SCG5: variants seen among roughly 807,000 people sequenced by gnomAD.
SCG5 encodes the protein secretogranin V, also known as neuroendocrine protein 7B2.
Under a neutral mutation model 25.7 loss-of-function variants are expected in SCG5, and 18 were observed. The observed-to-expected ratio is 0.70, with a 90% CI of 0.48 to 1.04. The LOEUF is 1.04. Among genes scored for constraint, SCG5 ranks in the 50% least tolerant of loss-of-function variants. SCG5 has a pLI of 0.00. For missense variants in SCG5, 206 were observed against 259.8 expected (o/e 0.79, Z 1.42); for synonymous variants, 101 against 91.7 (o/e 1.10, Z -0.58).
chr15:32,660,242 C>T (rs2054194648), intron 2 of SCG5, among the ~76,000 whole-genome samples: 1 of 152,122 alleles, frequency 6.6e-6, no homozygotes, highest in Non-Finnish European at 1.5e-5. Flanking sequence ...CGAGATGTAC[C>T]TGCAGGCAGG....
chr15:32,645,260 A>T (rs145198585), intron 2 of SCG5, among the ~76,000 whole-genome samples: 3,154 of 152,316 alleles, frequency 0.021, 55 homozygotes, highest in Non-Finnish European at 0.032. Flanking sequence ...GTTGTCATGG[A>T]GTTCTCTGAG....
chr15:32,657,209 A>ATATATATATATATATATATATGTATG lies in SCG5; in HGVS notation c.226+13394_226+13395insATATATATATATATATATGTATGTAT. Among the ~76,000 whole-genome samples, 197 of 38,720 alleles carry ATATATATATATATATATATATGTATG rather than the reference A, an allele frequency of 5.1e-3. 53 individuals carry two copies. The highest frequency in any genetic ancestry group is 0.011 in the Non-Finnish European group (159 of 14,102). 25.4% of individuals were successfully genotyped at this position (38,720 alleles called of 152,430 possible). ...TTCTTTCATCCTCCTGTATATATAT[A>ATATATATATATATATATATATGTATG]TATGTATGTATTTCCAGGTGTAAGT... On this transcript the variant is annotated intron_variant, in intron 2 of 5. Transcript: ENST00000300175.
chr15:32,690,124 T>G, intron 4 of SCG5, among the ~76,000 whole-genome samples: 1 of 152,114 alleles, frequency 6.6e-6, no homozygotes, highest in East Asian at 1.9e-4. Context: ...ACATTTCTTT[T>G]TGAATGAAGA....
chr15:32,657,391 G>A (rs66959609), intron 2 of SCG5, among the ~76,000 whole-genome samples: 24,921 of 149,712 alleles, frequency 0.17, 2,253 homozygotes, highest in Middle Eastern at 0.23. Flanking sequence ...GACCTTAGGC[G>A]TGAGAAACAT....
At chr15:32,670,039 C>T (rs17228571) in intron 2 of SCG5, among the ~76,000 whole-genome samples, 49,026 of 152,040 alleles carry the variant, frequency 0.32, 8,414 homozygotes, top group Admixed American at 0.4. Context: ...TCAGAATTTG[C>T]GTCTCTGCCT....
intron 2 of SCG5, among the ~76,000 whole-genome samples, chr15:32,653,388 C>G (rs1348232952): frequency 6.6e-6 from 1 of 152,222 alleles, no homozygotes. Context: ...TGCCAGTTGT[C>G]TGACTGTAGA....
chr15:32,689,829 C>G (rs1036667431), intron 4 of SCG5, among the ~76,000 whole-genome samples: 3 of 151,660 alleles, frequency 2.0e-5, no homozygotes, highest in Non-Finnish European at 4.4e-5. Context: ...ATTAGCCAGG[C>G]CTTTTGCATT....
chr15:32,688,963 A>AAAAAGAG (rs1555437391), intron 4 of SCG5, among the ~76,000 whole-genome samples: 1 of 140,304 alleles, frequency 7.1e-6, no homozygotes, highest in Non-Finnish European at 1.5e-5. Context: ...CGTCTCAAAA[A>AAAAAGAG]AAAAAAAAAA....
At chr15:32,677,593 C>T (rs576320391) in intron 2 of SCG5, 1 of 152,222 alleles carries the variant, frequency 6.6e-6, no homozygotes, top group South Asian at 2.1e-4. Flanking sequence ...AAGATGGAAG[C>T]ATGGTGTTGT....
intron 2 of SCG5, among the ~76,000 whole-genome samples, chr15:32,648,784 A>T (rs28640058): frequency 0.059 from 5,337 of 90,250 alleles, 104 homozygotes; most frequent in Middle Eastern, 0.098. Context: ...TTTTTTTTTT[A>T]AAAAAAAAAC....
intron 4 of SCG5, among the ~76,000 whole-genome samples, chr15:32,690,578 T>A (rs1316932221): frequency 1.3e-5 from 2 of 152,212 alleles, no homozygotes; most frequent in Non-Finnish European, 2.9e-5. Flanking sequence ...TAGAGGCTCC[T>A]TCACTCTGGC....
intron 5 of SCG5, 69 bp downstream of exon 5, chr15:32,691,832 G>A: frequency 1.3e-6 from 2 of 1,579,658 alleles, no homozygotes; most frequent in South Asian, 2.3e-5. Flanking sequence ...TGAACAGGCT[G>A]AAACCCTCGC....
At chr15:32,643,507 A>G in intron 1 of SCG5, 79 bp from the exon 2 acceptor site, 1 of 1,141,172 alleles carries the variant, frequency 8.8e-7, no homozygotes, top group Non-Finnish European at 1.3e-6. Context: ...CACAACCTGG[A>G]GTGGTTGCAT....
chr15:32,689,959 A>G (rs2054815492), intron 4 of SCG5, among the ~76,000 whole-genome samples: 1 of 150,648 alleles, frequency 6.6e-6, no homozygotes, highest in African/African-American at 2.5e-5. Flanking sequence ...CTCCTGCCTC[A>G]GCCTCCTGAG....
intron 2 of SCG5, among the ~76,000 whole-genome samples, chr15:32,645,980 G>C (rs1352719161): frequency 6.6e-6 from 1 of 151,996 alleles, no homozygotes; most frequent in Non-Finnish European, 1.5e-5. Context: ...CACCACGCCC[G>C]GCTAATTTTT....
chr15:32,689,402 T>A (rs78347867), intron 4 of SCG5, among the ~76,000 whole-genome samples: 1,891 of 152,280 alleles, frequency 0.012, 26 homozygotes, highest in Middle Eastern at 0.031. Context: ...CTATTCCATC[T>A]TCACCCATCC....
chr15:32,653,481 A>G (rs532608450), intron 2 of SCG5, among the ~76,000 whole-genome samples: 1 of 152,366 alleles, frequency 6.6e-6, no homozygotes, highest in South Asian at 2.1e-4. Flanking sequence ...GGAAGTCACT[A>G]GAACCAGATG....
intron 5 of SCG5, among the ~76,000 whole-genome samples, chr15:32,693,670 A>G (rs8027230): frequency 0.041 from 6,235 of 152,318 alleles, 415 homozygotes; most frequent in African/African-American, 0.14. Context: ...GTGAGTTTCC[A>G]GAGGACATTG....
rs148411581 is a variant in SCG5, at chr15:32,696,456, G to A, written c.544-58G>A. The A allele has an allele frequency of 4.5e-4, 530 of 1,185,986 alleles. 3 individuals are homozygous for A. In the African/African-American group the frequency reaches 6.8e-3, roughly 15 times the overall value. The allele number at this position is 1,185,986 out of a possible 1,614,324, so 73.5% of individuals were successfully genotyped here. A position where few individuals can be genotyped will look rare whatever the true frequency, so the allele number is the denominator to read the frequency against. ...TGTTCATTTCTTTTCTGAGATGTCT[G>A]TATCTGATGTTCACATATAACACCA... On this transcript the variant is annotated intron_variant, in intron 5 of 5. Transcript: ENST00000300175.
Sources: gnomAD v4.1 joint callset for allele counts (sites outside exome capture counted in the v4.1 genomes callset) on GRCh38, gnomAD v4.1.1 for gene constraint, MANE v1.5 for transcripts, NCBI Gene and HGNC (gene_info 2026-07-23, HGNC 2026-07-21) for gene names.